Variants in DDX10 observed in about 807,000 individuals in gnomAD.
DDX10 encodes probable ATP-dependent RNA helicase DDX10.
DDX10 carries 74 observed loss-of-function variants against 104.3 expected under a neutral mutation model. That is an observed-to-expected ratio of 0.71 (90% CI 0.59 to 0.86). DDX10 has a LOEUF of 0.86. DDX10 is among the 40% of genes least tolerant of loss of function. The pLI, the probability that DDX10 is intolerant of heterozygous loss-of-function variation, is 0.00. For missense variants in DDX10, 952 were observed against 1,040.0 expected (o/e 0.92, Z 1.16); for synonymous variants, 351 against 353.4 (o/e 0.99, Z 0.08).
At chr11:108,740,352 G>A (rs2094323695) in intron 13 of DDX10, among the ~76,000 whole-genome samples, 1 of 152,116 alleles carries the variant, frequency 6.6e-6, no homozygotes, top group South Asian at 2.1e-4. Flanking sequence ...ATTCCGATGT[G>A]TGTACATACC....
At position 108,864,937 on chromosome 11, in the gene DDX10, G is replaced by A. The variant is rs75958560; in HGVS notation, c.2304+12728G>A. On this transcript the variant is annotated intron_variant, in intron 16 of 17. Coordinates refer to ENST00000322536, the MANE Select transcript of DDX10 (RefSeq NM_004398.4). ...TTGTCTTTCAGTGTGCCTGATTGCA[G>A]TCAGTCTGTCACCTGTTGTTCTTAG... is the stretch of plus-strand genomic sequence containing the variant. 9.6e-3 allele frequency among the ~76,000 whole-genome samples: 1,457 copies of A among 152,304 alleles called. 19 individuals carry two copies. Among genetic ancestry groups the A allele is most frequent in the African/African-American group, 0.033 (1,363 of 41,558 alleles).
Position 108,723,176 on chromosome 11 carries a change from A to C in DDX10, c.1679A>C (p.Gln560Pro). 2.5e-6 allele frequency: 4 copies of C among 1,613,820 alleles called. No individual in the cohort carries two copies. The highest frequency in any genetic ancestry group is 3.4e-6 in the Non-Finnish European group (4 of 1,179,886). ...AYFNEKMSIL[Q>P]KGGKRLEGTE... Reference sequence around the variant, plus strand: ...TTCAATGAGAAAATGTCCATCCTTCAAAAAGGTGGAAAAAGACTCGAAGGG... The same window carrying C: ...TTCAATGAGAAAATGTCCATCCTTCCAAAAGGTGGAAAAAGACTCGAAGGG... The change falls in exon 13 of 18, where the codon CAA becomes CCA. Residue 560 changes from glutamine to proline, a missense_variant. Gln to Pro is a moderately conservative substitution (Grantham distance 76). Coordinates refer to ENST00000322536, the MANE Select transcript of DDX10 (RefSeq NM_004398.4).
intron 13 of DDX10, among the ~76,000 whole-genome samples, chr11:108,777,343 CT>C (rs1173794403): frequency 6.6e-6 from 1 of 150,934 alleles, no homozygotes; most frequent in African/African-American, 2.4e-5. Flanking sequence ...TTTTTCTTTT[CT>C]TTTGAGATAG....
rs371178624 is a variant in DDX10, at chr11:108,877,198, A to G, written c.2304+24989A>G. ...TTATAGACTATATTTAACTTTTCAA[A>G]AGAATGTTTTCAGATTAAAGCTTGG... On this transcript the variant is annotated intron_variant, in intron 16 of 17. Coordinates refer to ENST00000322536, the MANE Select transcript of DDX10 (RefSeq NM_004398.4). Among the ~76,000 whole-genome samples the G allele has an allele frequency of 9.9e-5, 15 of 152,212 alleles. No individual in the cohort carries two copies. The East Asian group carries it at 2.9e-3, about 29-fold the overall frequency.
chr11:108,677,702 T>A (rs116904929), intron 4 of DDX10, among the ~76,000 whole-genome samples: 2,334 of 148,420 alleles, frequency 0.016, 31 homozygotes, highest in Non-Finnish European at 0.025. Flanking sequence ...TTATAGCACA[T>A]CTAGAATGCC....
chr11:108,703,812 T>C (rs372661619), intron 9 of DDX10, among the ~76,000 whole-genome samples: 2 of 152,168 alleles, frequency 1.3e-5, no homozygotes, highest in African/African-American at 4.8e-5. Flanking sequence ...GAATAAAAGC[T>C]TACTGGGGAA....
rs569813091 is a variant in DDX10, at chr11:108,934,430, G to A, written c.2451-5816G>A. On this transcript the variant is annotated intron_variant, in intron 17 of 17. Coordinates refer to ENST00000322536, the MANE Select transcript of DDX10 (RefSeq NM_004398.4). ...TCTGGTGGTCTGGAAAAAACCCTAGGCTAAAATGCATATTTTTAAGTCATT... is the reference window on the plus strand; with the variant it reads ...TCTGGTGGTCTGGAAAAAACCCTAGACTAAAATGCATATTTTTAAGTCATT... Among the ~76,000 whole-genome samples, 7 of 152,258 alleles carry A rather than the reference G, an allele frequency of 4.6e-5. No homozygotes were observed. The East Asian group carries it at 1.4e-3, about 29-fold the overall frequency.
chr11:108,711,904 G>A (rs1278279633), intron 10 of DDX10, among the ~76,000 whole-genome samples: 4 of 152,186 alleles, frequency 2.6e-5, no homozygotes, highest in South Asian at 2.1e-4. Flanking sequence ...ATAGTAGGGT[G>A]TTGAAGTCTC....
intron 9 of DDX10, among the ~76,000 whole-genome samples, chr11:108,697,433 C>T (rs979776061): frequency 2.6e-5 from 4 of 152,026 alleles, no homozygotes; most frequent in African/African-American, 4.8e-5. Context: ...TATAATATAT[C>T]GATATAGGAA....
At chr11:108,711,070 T>TG (rs2094283677) in intron 10 of DDX10, among the ~76,000 whole-genome samples, 1 of 152,198 alleles carries the variant, frequency 6.6e-6, no homozygotes, top group Non-Finnish European at 1.5e-5. Flanking sequence ...TGGCTGTCAT[T>TG]ACAGTCTTAT....
chr11:108,868,896 A>G (rs145724544), intron 16 of DDX10, among the ~76,000 whole-genome samples: 112 of 151,374 alleles, frequency 7.4e-4, no homozygotes, highest in African/African-American at 2.6e-3. Flanking sequence ...GGAGCTTTCT[A>G]TTGAGTTTAT....
intron 9 of DDX10, among the ~76,000 whole-genome samples, chr11:108,705,167 A>G (rs1347016405): frequency 6.6e-6 from 1 of 152,146 alleles, no homozygotes; most frequent in Non-Finnish European, 1.5e-5. Flanking sequence ...CGCTGGCTTC[A>G]GTGGAATTTC....
At chr11:108,837,983 T>C (rs1245963406) in intron 13 of DDX10, among the ~76,000 whole-genome samples, 1 of 152,150 alleles carries the variant, frequency 6.6e-6, no homozygotes, top group African/African-American at 2.4e-5. Context: ...TTACTATAAT[T>C]GGAAGAGGAA....
At chr11:108,677,695 T>C (rs753763036) in intron 4 of DDX10, among the ~76,000 whole-genome samples, 2 of 148,774 alleles carry the variant, frequency 1.3e-5, no homozygotes, top group Non-Finnish European at 3.0e-5. Context: ...TTCTATCTTA[T>C]AGCACATCTA....
intron 13 of DDX10, among the ~76,000 whole-genome samples, chr11:108,740,691 A>T (rs1197417046): frequency 6.6e-6 from 1 of 151,944 alleles, no homozygotes; most frequent in African/African-American, 2.4e-5. Flanking sequence ...ACTGTGTGAG[A>T]TGCTATCTTA....
Position 108,807,750 on chromosome 11 carries a change from TGA to T in DDX10, c.1966-30692_1966-30691del, listed in dbSNP as rs1283897980. ...GGAACACTAGAGAGTGTTTGGGATTTGAGAGTCATCTGTGTAGGTAATAGGTG... is the reference window on the plus strand; with the variant it reads ...GGAACACTAGAGAGTGTTTGGGATTTGAGTCATCTGTGTAGGTAATAGGTG... On this transcript the variant is annotated intron_variant, in intron 13 of 17. Transcript: ENST00000322536. Among the ~76,000 whole-genome samples the T allele has an allele frequency of 2.6e-5, 4 of 152,306 alleles. No individual in the cohort carries two copies. The South Asian group carries it at 6.2e-4, about 24-fold the overall frequency.
At chr11:108,825,865 A>T (rs1862388862) in intron 13 of DDX10, among the ~76,000 whole-genome samples, 1 of 152,222 alleles carries the variant, frequency 6.6e-6, no homozygotes. Context: ...GCCTTGACAA[A>T]TGAGTAACTT....
chr11:108,757,722 C>G (rs1040242368), intron 13 of DDX10, among the ~76,000 whole-genome samples: 1 of 151,992 alleles, frequency 6.6e-6, no homozygotes, highest in African/African-American at 2.4e-5. Context: ...AATTTCTTAA[C>G]CTTCTGACCC....
At chr11:108,892,323 G>A (rs1863387557) in intron 16 of DDX10, among the ~76,000 whole-genome samples, 1 of 152,122 alleles carries the variant, frequency 6.6e-6, no homozygotes, top group Non-Finnish European at 1.5e-5. Context: ...CTCTGCACAA[G>A]CTTGATCCCC....
Sources: allele counts gnomAD v4.1 joint callset (sites outside exome capture counted in the v4.1 genomes callset), GRCh38; gene constraint gnomAD v4.1.1; transcripts MANE v1.5; gene names NCBI Gene and HGNC (gene_info 2026-07-23, HGNC 2026-07-21).